PCDHGC3: variants seen among roughly 807,000 people sequenced by gnomAD.
PCDHGC3 encodes the protein protocadherin gamma-C3.
A neutral mutation model predicts 59.2 loss-of-function variants in PCDHGC3; 26 were observed. The observed-to-expected ratio is 0.44, with a 90% CI of 0.32 to 0.61. The LOEUF (loss-of-function observed/expected upper bound fraction) is 0.61. Ranked by LOEUF, PCDHGC3 falls within the 20% of genes least tolerant of loss-of-function variation. The pLI, the probability that PCDHGC3 is intolerant of heterozygous loss-of-function variation, is 0.05. For synonymous variants in PCDHGC3, 487 were observed against 519.7 expected (o/e 0.94, Z 0.86); for missense variants, 1,080 against 1,221.8 (o/e 0.88, Z 1.73).
Position 141,489,948 on chromosome 5 carries a change from T to G in PCDHGC3, c.2431-4859T>G. The G allele has an allele frequency of 6.2e-7, 1 of 1,614,210 alleles. No homozygotes were observed. Among genetic ancestry groups the G allele is most frequent in the Non-Finnish European group, 8.5e-7 (1 of 1,180,030 alleles). ...TCTCTGTCATCGTGCTGGACATCAA[T>G]GATAATGCTCCAACCTTCCAATCCT... On this transcript the variant is annotated intron_variant, in intron 1 of 3. Transcript: ENST00000308177. The surrounding 1 kb of genome is among the most constrained non-coding windows in gnomAD (Gnocchi z 4.5).
At chr5:141,505,576 T>C in intron 3 of PCDHGC3, 95 bp downstream of exon 3, 5 of 1,590,334 alleles carry the variant, frequency 3.1e-6, no homozygotes, top group Admixed American at 1.7e-5. Context: ...ATGTCAAACC[T>C]GTGTAGTTTC....
At position 141,489,125 on chromosome 5, in the gene PCDHGC3, G is replaced by T. The variant is rs537146985; in HGVS notation, c.2431-5682G>T. 1.1e-4 allele frequency: 77 copies of T among 728,124 alleles called. No individual in the cohort carries two copies. The East Asian group carries it at 1.9e-3, about 18-fold the overall frequency. 45.1% of individuals were successfully genotyped at this position (728,124 alleles called of 1,614,324 possible). A position where few individuals can be genotyped will look rare whatever the true frequency, so the allele number is the denominator to read the frequency against. ...CTGCAAGCAGGCAAACCTCCGAGCAGTTTTTAAGAGGCTGGAAGGAGACAT... is the reference window on the plus strand; with the variant it reads ...CTGCAAGCAGGCAAACCTCCGAGCATTTTTTAAGAGGCTGGAAGGAGACAT... On this transcript the variant is annotated intron_variant, in intron 1 of 3. Coordinates refer to ENST00000308177, the MANE Select transcript of PCDHGC3 (RefSeq NM_002588.4). The surrounding 1 kb of genome is among the most constrained non-coding windows in gnomAD (Gnocchi z 4.5).
chr5:141,492,384 C>G (rs1001189412), intron 1 of PCDHGC3, among the ~76,000 whole-genome samples: 1 of 152,230 alleles, frequency 6.6e-6, no homozygotes, highest in Non-Finnish European at 1.5e-5. Context: ...AGGCCTGTTC[C>G]GGTCCACTCG....
chr5:141,476,023 G>T lies in PCDHGC3; in HGVS notation c.-94G>T. On this transcript the variant is annotated 5_prime_UTR_variant, in exon 1 of 4. Coordinates refer to ENST00000308177, the MANE Select transcript of PCDHGC3 (RefSeq NM_002588.4). The surrounding 1 kb of genome is among the most constrained non-coding windows in gnomAD (Gnocchi z 7.6). Reference sequence around the variant, plus strand: ...CATCCAGAAAGCCATGTCGGACTCGGCGCCCAGCGCCCAAGCGCTAACCCG... The same window carrying T: ...CATCCAGAAAGCCATGTCGGACTCGTCGCCCAGCGCCCAAGCGCTAACCCG... The T allele has an allele frequency of 7.1e-7, 1 of 1,415,690 alleles. No individual in the cohort carries two copies. Among genetic ancestry groups the T allele is most frequent in the Non-Finnish European group, 9.5e-7 (1 of 1,057,324 alleles). 87.7% of individuals were successfully genotyped at this position (1,415,690 alleles called of 1,614,324 possible).
Position 141,489,830 on chromosome 5 carries a change from A to C in PCDHGC3, c.2431-4977A>C. On this transcript the variant is annotated intron_variant, in intron 1 of 3. Transcript: ENST00000308177. The surrounding 1 kb of genome is among the most constrained non-coding windows in gnomAD (Gnocchi z 4.5). ...AAGCCATTCCCAGAGCTGGTGCTAG[A>C]GCAGCAGCTGGATCGTGAAGCCCAG... 1 of 1,614,200 alleles carries C rather than the reference A, an allele frequency of 6.2e-7. No homozygotes were observed. Among genetic ancestry groups the C allele is most frequent in the Non-Finnish European group, 8.5e-7 (1 of 1,180,010 alleles).
intron 1 of PCDHGC3, 78 bp from the exon 2 acceptor site, chr5:141,494,729 C>CG: frequency 6.2e-7 from 1 of 1,610,168 alleles, no homozygotes; most frequent in South Asian, 1.1e-5. Context: ...CCTTCTCTCC[C>CG]GGCCCATCCC....
intron 2 of PCDHGC3, among the ~76,000 whole-genome samples, chr5:141,500,892 G>GAT (rs1036007799): frequency 1.1e-5 from 1 of 88,010 alleles, no homozygotes; most frequent in African/African-American, 7.1e-5. Flanking sequence ...TTTTTTTTGA[G>GAT]ACAGTCTCGC....
At chr5:141,507,797 C>T (rs933921827) in intron 3 of PCDHGC3, among the ~76,000 whole-genome samples, 3 of 152,240 alleles carry the variant, frequency 2.0e-5, no homozygotes, top group Non-Finnish European at 2.9e-5. Flanking sequence ...TCTAAGCCTG[C>T]GCCCTGGGGA....
chr5:141,489,999 G>C lies in PCDHGC3; in HGVS notation c.2431-4808G>C, dbSNP rs772783990. Reference sequence around the variant, plus strand: ...CAGTTCTACGTGTGGGAATCCCAGAGAATGCACCCATTGGTACTCTGCTGC... The same window carrying C: ...CAGTTCTACGTGTGGGAATCCCAGACAATGCACCCATTGGTACTCTGCTGC... On this transcript the variant is annotated intron_variant, in intron 1 of 3. Coordinates refer to ENST00000308177, the MANE Select transcript of PCDHGC3 (RefSeq NM_002588.4). This position sits in a 1 kb window ranked among gnomAD's most constrained non-coding sequence, Gnocchi z 4.5. 6.2e-7 allele frequency: 1 copy of C among 1,614,242 alleles called. No individual in the cohort carries two copies. Among genetic ancestry groups the C allele is most frequent in the East Asian group, 2.2e-5 (1 of 44,886 alleles).
At chr5:141,482,809 T>C (rs1295469639) in intron 1 of PCDHGC3, among the ~76,000 whole-genome samples, 1 of 152,170 alleles carries the variant, frequency 6.6e-6, no homozygotes, top group Non-Finnish European at 1.5e-5. Flanking sequence ...CGGTGGCTCA[T>C]GCCTGTAATC....
Position 141,486,239 on chromosome 5 carries a change from C to G in PCDHGC3, c.2430+7693C>G, listed in dbSNP as rs751510109. On this transcript the variant is annotated intron_variant, in intron 1 of 3. Transcript: ENST00000308177. The surrounding 1 kb of genome is among the most constrained non-coding windows in gnomAD (Gnocchi z 5.0). ...CCCTTACATCACAGTGACCTCAGAG[C>G]TTGGAACCCTCCCCGAGAGTGCAGA... 6.2e-7 allele frequency: 1 copy of G among 1,614,160 alleles called. No individual in the cohort carries two copies. Among genetic ancestry groups the G allele is most frequent in the Admixed American group, 1.7e-5 (1 of 60,020 alleles).
rs2099383865 is a variant in PCDHGC3, at chr5:141,476,005, A to G, written c.-112A>G. 1 of 1,267,576 alleles carries G rather than the reference A, an allele frequency of 7.9e-7. No homozygotes were observed. Among genetic ancestry groups the G allele is most frequent in the East Asian group, 2.3e-5 (1 of 42,864 alleles). 78.5% of individuals were successfully genotyped at this position (1,267,576 alleles called of 1,614,324 possible). A position where few individuals can be genotyped will look rare whatever the true frequency, so the allele number is the denominator to read the frequency against. ...CGGCGAGCAAATCAACGGCATCCAG[A>G]AAGCCATGTCGGACTCGGCGCCCAG... On this transcript the variant is annotated 5_prime_UTR_variant, in exon 1 of 4. Coordinates refer to ENST00000308177, the MANE Select transcript of PCDHGC3 (RefSeq NM_002588.4). This position sits in a 1 kb window ranked among gnomAD's most constrained non-coding sequence, Gnocchi z 7.6.
intron 2 of PCDHGC3, among the ~76,000 whole-genome samples, chr5:141,496,391 A>G (rs1473991011): frequency 1.3e-5 from 2 of 151,930 alleles, no homozygotes; most frequent in Admixed American, 6.6e-5. Flanking sequence ...ACCTTACCCT[A>G]CCTCCTCAAT....
chr5:141,480,152 C>G (rs2099513323), intron 1 of PCDHGC3, among the ~76,000 whole-genome samples: 1 of 151,928 alleles, frequency 6.6e-6, no homozygotes, highest in African/African-American at 2.4e-5. Context: ...TAGCCAGCTC[C>G]TAGCATTTTG....
rs1011731430 is a variant in PCDHGC3, at chr5:141,489,676, G to A, written c.2431-5131G>A. 6.2e-7 allele frequency: 1 copy of A among 1,614,158 alleles called. No individual in the cohort carries two copies. The highest frequency in any genetic ancestry group is 8.5e-7 in the Non-Finnish European group (1 of 1,180,008). On this transcript the variant is annotated intron_variant, in intron 1 of 3. Coordinates refer to ENST00000308177, the MANE Select transcript of PCDHGC3 (RefSeq NM_002588.4). This position sits in a 1 kb window ranked among gnomAD's most constrained non-coding sequence, Gnocchi z 4.5. ...GCGAGAGATGCGCATCTCAGAATCAGCAGCATCTGGGGCACGATTCCCACT... is the reference window on the plus strand; with the variant it reads ...GCGAGAGATGCGCATCTCAGAATCAACAGCATCTGGGGCACGATTCCCACT...
intron 1 of PCDHGC3, among the ~76,000 whole-genome samples, chr5:141,484,544 A>G (rs1160398392): frequency 6.6e-6 from 1 of 152,144 alleles, no homozygotes; most frequent in Non-Finnish European, 1.5e-5. Flanking sequence ...CAGTGGTTCT[A>G]ATTAGCAGTT....
intron 1 of PCDHGC3, chr5:141,478,753 G>A (rs2099475642): frequency 2.0e-6 from 3 of 1,519,424 alleles, no homozygotes; most frequent in Admixed American, 2.1e-5. Context: ...ATTTCAGGGG[G>A]AAGATACTTG....
In PCDHGC3 at chr5:141,486,853, C is replaced by T. The variant is rs1401626024; in HGVS notation, c.2431-7954C>T. The stretch of plus-strand genomic sequence containing the variant: ...GTCTATTTGTGCTGGACCTCAATGA[C>T]AATGCTCCAGCTGTGCTCCGTCCTC... On this transcript the variant is annotated intron_variant, in intron 1 of 3. Coordinates refer to ENST00000308177, the MANE Select transcript of PCDHGC3 (RefSeq NM_002588.4). This position sits in a 1 kb window ranked among gnomAD's most constrained non-coding sequence, Gnocchi z 5.0. 6.2e-7 allele frequency: 1 copy of T among 1,614,244 alleles called. No individual in the cohort carries two copies. The highest frequency in any genetic ancestry group is 2.2e-5 in the East Asian group (1 of 44,886).
At position 141,487,666 on chromosome 5, in the gene PCDHGC3, C is replaced by T. The variant is rs2099657736; in HGVS notation, c.2431-7141C>T. 1 of 1,612,838 alleles carries T rather than the reference C, an allele frequency of 6.2e-7. No homozygotes were observed. Among genetic ancestry groups the T allele is most frequent in the South Asian group, 1.1e-5 (1 of 90,712 alleles). Reference sequence around the variant, plus strand: ...TGCTTGAGGGTTATTCTGATCCAGGCATATGGCTAGGCCATGTCCTAGAGA... The same window carrying T: ...TGCTTGAGGGTTATTCTGATCCAGGTATATGGCTAGGCCATGTCCTAGAGA... On this transcript the variant is annotated intron_variant, in intron 1 of 3. Coordinates refer to ENST00000308177, the MANE Select transcript of PCDHGC3 (RefSeq NM_002588.4). This position sits in a 1 kb window ranked among gnomAD's most constrained non-coding sequence, Gnocchi z 5.0.
Sources: allele counts gnomAD v4.1 joint callset (sites outside exome capture counted in the v4.1 genomes callset), GRCh38; gene constraint gnomAD v4.1.1; non-coding constraint Gnocchi (gnomAD v3.1); transcripts MANE v1.5; gene names NCBI Gene and HGNC (gene_info 2026-07-23, HGNC 2026-07-21).